DCPS: variants seen among roughly 807,000 people sequenced by gnomAD.
DCPS encodes the protein m7GpppX diphosphatase.
A neutral mutation model predicts 34.7 loss-of-function variants in DCPS; 27 were observed. The observed-to-expected ratio is 0.78, with a 90% CI of 0.57 to 1.07. The LOEUF (loss-of-function observed/expected upper bound fraction) is 1.07, where lower values mean the gene tolerates loss of function less well. Among genes scored for constraint, DCPS ranks in the 50% least tolerant of loss-of-function variants. The pLI is 0.00. For synonymous variants in DCPS, 185 were observed against 185.7 expected, an observed-to-expected ratio of 1.00 and a Z score of 0.03; for missense variants, 464 against 436.9, an observed-to-expected ratio of 1.06 and a Z score of -0.55.
chr11:126,307,258 A>C (rs1398850108), intron 2 of DCPS, among the ~76,000 whole-genome samples: 3 of 150,988 alleles, frequency 2.0e-5, no homozygotes, highest in Non-Finnish European at 4.4e-5. Context: ...GCTTGAACCC[A>C]GGAGGCAGAG....
At position 126,304,262 on chromosome 11, in the gene DCPS, T is replaced by C; in HGVS notation, c.182T>C (p.Ile61Thr). ...CTGAGGGAGTCTGCGCGGGACAAAA[T>C]CATTTTCCTACACGGGAAGGTACCA... The part of the protein sequence containing the change: ...KVLRESARDK[I>T]IFLHGKVNEA... The change falls in exon 1 of 6, where the codon ATC becomes ACC. Residue 61 changes from isoleucine to threonine, a missense_variant. By Grantham distance (89) the Ile-to-Thr change is moderately conservative. Coordinates refer to ENST00000263579, the MANE Select transcript of DCPS (RefSeq NM_014026.6). 6.2e-7 allele frequency: 1 copy of C among 1,614,000 alleles called. No individual in the cohort carries two copies. The highest frequency in any genetic ancestry group is 8.5e-7 in the Non-Finnish European group (1 of 1,180,014).
intron 2 of DCPS, among the ~76,000 whole-genome samples, chr11:126,321,773 T>C (rs1565374186): frequency 6.6e-6 from 1 of 152,132 alleles, no homozygotes; most frequent in African/African-American, 2.4e-5. Flanking sequence ...TCAGAGAAAT[T>C]ATGCTGCTAT....
intron 2 of DCPS, among the ~76,000 whole-genome samples, chr11:126,330,550 G>A (rs1473684303): frequency 3.3e-5 from 5 of 151,398 alleles, no homozygotes; most frequent in Non-Finnish European, 4.4e-5. Context: ...CCGTGCTCCC[G>A]GGTGGGGCCA....
rs1163483755 is a variant in DCPS at position 126,338,305 on chromosome 11, A to G, written c.542A>G (p.Asp181Gly). 1.3e-5 allele frequency: 21 copies of G among 1,614,060 alleles called. No individual in the cohort carries two copies. Among genetic ancestry groups the G allele is most frequent in the Admixed American group, 3.3e-5 (2 of 60,002 alleles). The stretch of plus-strand genomic sequence containing the variant: ...TTTCAGTGGGTGTATAACATTCTCG[A>G]CAAGAAGGCTGAAGCGGACCGGATT... ...LSIQWVYNIL[D>G]KKAEADRIVF... Residue 181 changes from aspartate to glycine, a missense_variant, in exon 4 of 6, where the codon GAC becomes GGC. Physicochemically the swap from Asp to Gly is moderately conservative, Grantham distance 94 (BLOSUM62 -1). Transcript: ENST00000263579. This position sits in a 1 kb window ranked among gnomAD's most constrained non-coding sequence, Gnocchi z 5.4.
rs1412616303 is a variant in DCPS at position 126,331,859 on chromosome 11, C to T, written c.522+309C>T. Among the ~76,000 whole-genome samples, 4 of 152,138 alleles carry T rather than the reference C, an allele frequency of 2.6e-5. No individual in the cohort carries two copies. The highest frequency in any genetic ancestry group is 1.9e-4 in the East Asian group (1 of 5,182). ...GGGGCGGGCAATTGCCATTTTATATCGCATGGCGAGAGAAGGCTTTGGGGG... is the reference window on the plus strand; with the variant it reads ...GGGGCGGGCAATTGCCATTTTATATTGCATGGCGAGAGAAGGCTTTGGGGG... On this transcript the variant is annotated intron_variant, in intron 3 of 5. Transcript: ENST00000263579. This position sits in a 1 kb window ranked among gnomAD's most constrained non-coding sequence, Gnocchi z 7.2.
chr11:126,307,834 T>C (rs1028304140), intron 2 of DCPS, among the ~76,000 whole-genome samples: 10 of 152,246 alleles, frequency 6.6e-5, no homozygotes, highest in African/African-American at 1.7e-4. Flanking sequence ...AGGAGGACTT[T>C]ACGAATGAGG....
chr11:126,315,386 C>G lies in DCPS; in HGVS notation c.376+8642C>G, dbSNP rs1951649867. Among the ~76,000 whole-genome samples the G allele has an allele frequency of 6.6e-6, 1 of 151,876 alleles. No individual in the cohort carries two copies. The highest frequency in any genetic ancestry group is 2.4e-5 in the African/African-American group (1 of 41,254). On this transcript the variant is annotated intron_variant, in intron 2 of 5. Coordinates refer to ENST00000263579, the MANE Select transcript of DCPS (RefSeq NM_014026.6). The surrounding 1 kb of genome is among the most constrained non-coding windows in gnomAD (Gnocchi z 6.1). ...ACCAGCCTGGCCAACATGGTGAAAC[C>G]CTTTCTCTACTAAAAATACAAAAAT...
chr11:126,343,260 C>T (rs1161755737), intron 4 of DCPS, 47 bp from the exon 5 acceptor site: 79 of 1,537,698 alleles, frequency 5.1e-5, no homozygotes, highest in Non-Finnish European at 6.9e-5. Flanking sequence ...GCAGCCTCCC[C>T]AGGTCTGTTC....
rs1369370344 is a variant in DCPS, at chr11:126,304,208, C to A, written c.128C>A (p.Pro43Gln). Reference protein sequence around the residue: ...GNGTCAPVRLPFSGFRLQKVL... With the variant: ...GNGTCAPVRLQFSGFRLQKVL... The stretch of plus-strand genomic sequence containing the variant: ...GGTACCTGTGCTCCTGTCCGCTTAC[C>A]GTTCTCCGGCTTCAGACTGCAGAAG... Residue 43 changes from proline (P) to glutamine (Q), a missense_variant, in exon 1 of 6, where the codon CCG (proline) becomes CAG (glutamine). Coordinates refer to ENST00000263579, the MANE Select transcript of DCPS (RefSeq NM_014026.6). 1 of 1,614,150 alleles carries A rather than the reference C, an allele frequency of 6.2e-7. No individual in the cohort carries two copies. Among genetic ancestry groups the A allele is most frequent in the African/African-American group, 1.3e-5 (1 of 74,958 alleles).
chr11:126,338,049 T>G lies in DCPS; in HGVS notation c.523-237T>G. ...GCCCCTTCCAAGCTGCAGAGACCCT[T>G]GTGATGACGCATGGCTGAGTGCCAG... On this transcript the variant is annotated intron_variant, in intron 3 of 5. Coordinates refer to ENST00000263579, the MANE Select transcript of DCPS (RefSeq NM_014026.6). This position sits in a 1 kb window ranked among gnomAD's most constrained non-coding sequence, Gnocchi z 5.4. 1.9e-6 allele frequency: 1 copy of G among 532,494 alleles called. No individual in the cohort carries two copies. The highest frequency in any genetic ancestry group is 3.4e-6 in the Non-Finnish European group (1 of 294,492). 33.0% of individuals were successfully genotyped at this position (532,494 alleles called of 1,614,324 possible). A position where few individuals can be genotyped will look rare whatever the true frequency, so the allele number is the denominator to read the frequency against.
intron 2 of DCPS, among the ~76,000 whole-genome samples, chr11:126,330,717 ATATTTTTTTTTTTTTT>A (rs1951781467): frequency 1.1e-4 from 2 of 17,402 alleles, no homozygotes; most frequent in South Asian, 3.8e-3. Flanking sequence ...ATATATATAT[ATATTTTTTTTTTTTTT>A]TTTTTTTTTT....
At chr11:126,324,507 T>C (rs537858566) in intron 2 of DCPS, among the ~76,000 whole-genome samples, 1 of 151,688 alleles carries the variant, frequency 6.6e-6, no homozygotes, top group East Asian at 1.9e-4. Flanking sequence ...TAGGCTGGAG[T>C]GCAGTGGCGA....
At position 126,342,767 on chromosome 11, in the gene DCPS, C is replaced by G. The variant is rs1951885273; in HGVS notation, c.637-540C>G. 6.6e-6 allele frequency among the ~76,000 whole-genome samples: 1 copy of G among 152,114 alleles called. No individual in the cohort carries two copies. The highest frequency in any genetic ancestry group is 1.5e-5 in the Non-Finnish European group (1 of 68,014). On this transcript the variant is annotated intron_variant, in intron 4 of 5. Coordinates refer to ENST00000263579, the MANE Select transcript of DCPS (RefSeq NM_014026.6). This position sits in a 1 kb window ranked among gnomAD's most constrained non-coding sequence, Gnocchi z 4.4. ...TGAACCTCCTGGCTCCCTGCCCCGA[C>G]AGCTCTGGGGAGTGAGCATATAGAA... is the stretch of plus-strand genomic sequence containing the variant.
chr11:126,348,432 T>C lies in DCPS; in HGVS notation c.*2819T>C, dbSNP rs1307252436. Among the ~76,000 whole-genome samples the C allele has an allele frequency of 6.6e-6, 1 of 152,160 alleles. No individual in the cohort carries two copies. Among genetic ancestry groups the C allele is most frequent in the Admixed American group, 6.5e-5 (1 of 15,276 alleles). On this transcript the variant is annotated 3_prime_UTR_variant, in exon 6 of 6. Transcript: ENST00000263579. This position sits in a 1 kb window ranked among gnomAD's most constrained non-coding sequence, Gnocchi z 5.3. The stretch of plus-strand genomic sequence containing the variant: ...GCCTCTGCTAGAGGCCTGGCAAGGG[T>C]TCCCCTTCAGAGCCAGCCAGTGCTC...
rs991206053 is a variant in DCPS, at chr11:126,346,344, G to A, written c.*731G>A. Reference sequence around the variant, plus strand: ...ACATGAAGCAGCCAGAAGATCAAGTGCAAAACAGTGAATCAGCAAGGGCAA... The same window carrying A: ...ACATGAAGCAGCCAGAAGATCAAGTACAAAACAGTGAATCAGCAAGGGCAA... On this transcript the variant is annotated 3_prime_UTR_variant, in exon 6 of 6. Coordinates refer to ENST00000263579, the MANE Select transcript of DCPS (RefSeq NM_014026.6). This position sits in a 1 kb window ranked among gnomAD's most constrained non-coding sequence, Gnocchi z 4.1. 1.3e-4 allele frequency among the ~76,000 whole-genome samples: 20 copies of A among 152,228 alleles called. No individual in the cohort carries two copies. Among genetic ancestry groups the A allele is most frequent in the African/African-American group, 4.8e-4 (20 of 41,452 alleles).
In DCPS at chr11:126,346,317, T is replaced by C. The variant is rs1951928686; in HGVS notation, c.*704T>C. The stretch of plus-strand genomic sequence containing the variant: ...ATCTCGGCAGGAAGACAAAACAGAC[T>C]CACATGAAGCAGCCAGAAGATCAAG... On this transcript the variant is annotated 3_prime_UTR_variant, in exon 6 of 6. Transcript: ENST00000263579. This position sits in a 1 kb window ranked among gnomAD's most constrained non-coding sequence, Gnocchi z 4.1. Among the ~76,000 whole-genome samples, 1 of 152,078 alleles carries C rather than the reference T, an allele frequency of 6.6e-6. No homozygotes were observed. Among genetic ancestry groups the C allele is most frequent in the Admixed American group, 6.6e-5 (1 of 15,260 alleles).
rs191106156 is a variant in DCPS, at chr11:126,327,769, A to G, written c.377-3636A>G. On this transcript the variant is annotated intron_variant, in intron 2 of 5. Coordinates refer to ENST00000263579, the MANE Select transcript of DCPS (RefSeq NM_014026.6). The surrounding 1 kb of genome is among the most constrained non-coding windows in gnomAD (Gnocchi z 4.1). ...GGTTTAAGTCGAAAAGGCCAGATTC[A>G]TTGATTCATTTGTTCACTAAGTATT... 7.0e-4 allele frequency among the ~76,000 whole-genome samples: 106 copies of G among 152,364 alleles called. No homozygotes were observed. Among genetic ancestry groups the G allele is most frequent in the African/African-American group, 2.5e-3 (103 of 41,590 alleles).
At chr11:126,316,670 T>C (rs1951661274) in intron 2 of DCPS, among the ~76,000 whole-genome samples, 1 of 151,998 alleles carries the variant, frequency 6.6e-6, no homozygotes, top group African/African-American at 2.4e-5. Context: ...ATGTTTTTCT[T>C]GAGATGGAGT....
Position 126,327,194 on chromosome 11 carries a change from T to C in DCPS, c.377-4211T>C, listed in dbSNP as rs1387818449. ...TCCCTTTAGTCCCGTCTCTTTAGTC[T>C]CCCTTCATCTGGAGCAATTCCTCAG... is the stretch of plus-strand genomic sequence containing the variant. On this transcript the variant is annotated intron_variant, in intron 2 of 5. Coordinates refer to ENST00000263579, the MANE Select transcript of DCPS (RefSeq NM_014026.6). The surrounding 1 kb of genome is among the most constrained non-coding windows in gnomAD (Gnocchi z 4.1). 6.6e-6 allele frequency among the ~76,000 whole-genome samples: 1 copy of C among 152,206 alleles called. No individual in the cohort carries two copies. The highest frequency in any genetic ancestry group is 1.9e-4 in the East Asian group (1 of 5,194).
Sources: gnomAD v4.1 joint callset for allele counts (sites outside exome capture counted in the v4.1 genomes callset) on GRCh38, gnomAD v4.1.1 for gene constraint, Gnocchi (gnomAD v3.1) non-coding constraint, MANE v1.5 for transcripts, NCBI Gene and HGNC (gene_info 2026-07-23, HGNC 2026-07-21) for gene names.